DPP8: variants seen among roughly 807,000 people sequenced by gnomAD.
The protein encoded by DPP8 is dipeptidyl peptidase 8.
Under a neutral mutation model 107.5 loss-of-function variants are expected in DPP8, and 31 were observed. That is an observed-to-expected ratio of 0.29 (90% CI 0.22 to 0.39). DPP8 has a LOEUF of 0.39. DPP8 is among the 10% of genes least tolerant of loss of function. The probability of loss-of-function intolerance (pLI) is 1.00; values close to 1 mark genes in which losing one functional copy is unlikely to be tolerated. For synonymous variants in DPP8, 381 were observed against 356.6 expected, an observed-to-expected ratio of 1.07 and a Z score of -0.77; for missense variants, 842 against 1,076.1, an observed-to-expected ratio of 0.78 and a Z score of 3.04.
In DPP8 at chr15:65,506,392, G is replaced by A. The variant is rs1442169734; in HGVS notation, c.372+851C>T. On this transcript the variant is annotated intron_variant, in intron 3 of 19. Transcript: ENST00000300141. ...TGTAAAAATAATAATGAGAACCAAA[G>A]AAGCAAACGATTGTACCGAAACATT... 2.0e-5 allele frequency among the ~76,000 whole-genome samples: 3 copies of A among 151,884 alleles called. No individual in the cohort carries two copies. The East Asian group carries it at 5.8e-4, about 29-fold the overall frequency.
chr15:65,498,179 C>T lies in DPP8; in HGVS notation c.547-147G>A, dbSNP rs139900214. The T allele has an allele frequency of 1.2e-3, 647 of 522,556 alleles. 3 individuals carry two copies. The highest frequency in any genetic ancestry group is 0.011 in the African/African-American group (572 of 51,452). The allele number at this position is 522,556 out of a possible 1,614,324, so 32.4% of individuals were successfully genotyped here. A position where few individuals can be genotyped will look rare whatever the true frequency, so the allele number is the denominator to read the frequency against. On this transcript the variant is annotated intron_variant, in intron 4 of 19. Coordinates refer to ENST00000300141, the MANE Select transcript of DPP8 (RefSeq NM_130434.5). ...ACTTACGCCTGTAATCCCAGCACTTCGGGAGGCCAAGGCAGGCAGATCACC... is the reference window on the plus strand; with the variant it reads ...ACTTACGCCTGTAATCCCAGCACTTTGGGAGGCCAAGGCAGGCAGATCACC...
At chr15:65,459,133 A>G (rs1350596441) in intron 15 of DPP8, 1 of 151,746 alleles carries the variant, frequency 6.6e-6, no homozygotes, top group Non-Finnish European at 1.5e-5. Context: ...GGCCTCCCAA[A>G]GCGCTGAGAT....
At chr15:65,496,462 A>G (rs2068611499) in intron 5 of DPP8, among the ~76,000 whole-genome samples, 1 of 152,086 alleles carries the variant, frequency 6.6e-6, no homozygotes, top group Non-Finnish European at 1.5e-5. Flanking sequence ...GCAATACACT[A>G]TTTCCCATCT....
chr15:65,478,896 A>C lies in DPP8; in HGVS notation c.1440T>G (p.Gly480=). ...LKESKYKRSS[G]GLPAPSDFKC... is the part of the protein sequence containing the mutation. ...ATTTCTTACTTGGAGCAGGCAGCCC[A>C]CCACTGGATCGTTTATATTTGCTTT... Residue 480 remains glycine, a synonymous_variant, in exon 11 of 20, where the codon GGT becomes GGG. Transcript: ENST00000300141. The C allele has an allele frequency of 6.4e-7, 1 of 1,572,322 alleles. No homozygotes were observed. Among genetic ancestry groups the C allele is most frequent in the Non-Finnish European group, 8.6e-7 (1 of 1,165,756 alleles).
intron 3 of DPP8, among the ~76,000 whole-genome samples, chr15:65,502,233 A>G (rs1039293229): frequency 8.6e-5 from 13 of 151,798 alleles, no homozygotes; most frequent in African/African-American, 2.9e-4. Flanking sequence ...TAAATTATTT[A>G]TAGGAGTTAC....
Position 65,500,654 on chromosome 15 carries a change from G to A in DPP8, c.498C>T (p.Ala166=), listed in dbSNP as rs757517691. 4.1e-5 allele frequency: 66 copies of A among 1,613,700 alleles called. 1 individual carries two copies. Among genetic ancestry groups the A allele is most frequent in the South Asian group, 7.7e-5 (7 of 91,080 alleles). ...HQGSGTFLFQ[A]GSGIYHVKDG... is the part of the protein sequence containing the mutation. ...CTTTTACGTGATAAATTCCACTACCGGCTTGAAACAGAAATGTTCCACTTC... is the reference window on the plus strand; with the variant it reads ...CTTTTACGTGATAAATTCCACTACCAGCTTGAAACAGAAATGTTCCACTTC... The change falls in exon 4 of 20, where the codon GCC becomes GCT. Residue 166 remains alanine (A), a synonymous_variant. Coordinates refer to ENST00000300141, the MANE Select transcript of DPP8 (RefSeq NM_130434.5).
chr15:65,500,850 T>C, intron 3 of DPP8, 71 bp from the exon 4 acceptor site: 2 of 936,114 alleles, frequency 2.1e-6, no homozygotes, highest in East Asian at 2.7e-5. Context: ...ACTGAAATCC[T>C]AGAATCTCCA....
chr15:65,483,706 ACT>A (rs2067149610), intron 8 of DPP8, among the ~76,000 whole-genome samples: 1 of 152,110 alleles, frequency 6.6e-6, no homozygotes, highest in African/African-American at 2.4e-5. Context: ...TCATCCAATA[ACT>A]CAACAATTCT....
intron 11 of DPP8, among the ~76,000 whole-genome samples, chr15:65,477,928 C>T (rs187285778): frequency 6.6e-6 from 1 of 152,216 alleles, no homozygotes; most frequent in East Asian, 1.9e-4. Context: ...GCTTCCTATT[C>T]TAAAACAAAC....
chr15:65,471,769 T>G (rs1419239014), intron 12 of DPP8, among the ~76,000 whole-genome samples: 2 of 152,216 alleles, frequency 1.3e-5, no homozygotes, highest in Non-Finnish European at 2.9e-5. Context: ...ACTACAAGTT[T>G]GAGCTACCAT....
At chr15:65,512,632 GGGTC>G in intron 1 of DPP8, 68 bp from the exon 2 acceptor site, 1 of 1,548,170 alleles carries the variant, frequency 6.5e-7, no homozygotes. Context: ...TTCTCTGAGA[GGGTC>G]AAAAAAAAAG....
chr15:65,495,578 G>A (rs2068499564), intron 5 of DPP8, among the ~76,000 whole-genome samples: 1 of 151,900 alleles, frequency 6.6e-6, no homozygotes, highest in Non-Finnish European at 1.5e-5. Flanking sequence ...ACTCCAGCCT[G>A]GGCAATAGAG....
intron 4 of DPP8, among the ~76,000 whole-genome samples, chr15:65,500,250 C>T (rs553276751): frequency 1.4e-4 from 22 of 152,118 alleles, no homozygotes; most frequent in African/African-American, 5.1e-4. Context: ...GATACCCCAT[C>T]GCTACTAAAA....
At chr15:65,463,189 T>C (rs1416004512) in intron 15 of DPP8, among the ~76,000 whole-genome samples, 1 of 152,210 alleles carries the variant, frequency 6.6e-6, no homozygotes, top group East Asian at 1.9e-4. Context: ...CATATTTACC[T>C]ACTGACATGA....
At chr15:65,479,850 C>CAAAAAAAAAAAAAAAAAA (rs56303808) in intron 10 of DPP8, among the ~76,000 whole-genome samples, 1 of 66,760 alleles carries the variant, frequency 1.5e-5, no homozygotes, top group Non-Finnish European at 2.9e-5. Flanking sequence ...GACTCCGTCT[C>CAAAAAAAAAAAAAAAAAA]AAAAAAAAAA....
intron 17 of DPP8, among the ~76,000 whole-genome samples, chr15:65,453,313 T>C (rs1480806647): frequency 6.6e-6 from 1 of 152,168 alleles, no homozygotes; most frequent in African/African-American, 2.4e-5. Flanking sequence ...TCAGGTATGT[T>C]GTATGTGTTT....
rs574307007 is a variant in DPP8, at chr15:65,451,783, G to A, written c.2414+177C>T. Among the ~76,000 whole-genome samples, 72 of 151,856 alleles carry A rather than the reference G, an allele frequency of 4.7e-4. 1 individual carries two copies. Among genetic ancestry groups the A allele is most frequent in the African/African-American group, 1.6e-3 (68 of 41,420 alleles). On this transcript the variant is annotated intron_variant, in intron 18 of 19. Transcript: ENST00000300141. Reference sequence around the variant, plus strand: ...CTACTAAAAATACAAAAAATTAGGCGGGCATGGTGGCACGTGCCTGTAAAC... The same window carrying A: ...CTACTAAAAATACAAAAAATTAGGCAGGCATGGTGGCACGTGCCTGTAAAC...
rs370695516 is a variant in DPP8 at position 65,485,402 on chromosome 15, G to A, written c.956-242C>T. ...CTACTAAAAATACAAAAATTAGCTGGGCGTGGTGGTGTGCGCCTGTAATCC... is the reference window on the plus strand; with the variant it reads ...CTACTAAAAATACAAAAATTAGCTGAGCGTGGTGGTGTGCGCCTGTAATCC... On this transcript the variant is annotated intron_variant, in intron 7 of 19. Transcript: ENST00000300141. Among the ~76,000 whole-genome samples the A allele has an allele frequency of 3.2e-3, 484 of 151,790 alleles. 2 individuals are homozygous for A. Among genetic ancestry groups the A allele is most frequent in the South Asian group, 0.015 (73 of 4,794 alleles).
chr15:65,463,862 T>C lies in DPP8; in HGVS notation c.1870A>G (p.Ser624Gly). The C allele has an allele frequency of 6.3e-7, 1 of 1,596,436 alleles. No homozygotes were observed. Among genetic ancestry groups the C allele is most frequent in the Non-Finnish European group, 8.5e-7 (1 of 1,174,374 alleles). The change falls in exon 15 of 20, where the codon AGT (serine) becomes GGT (glycine). Residue 624 changes from serine (S) to glycine (G), a missense_variant. By Grantham distance (56) the Ser-to-Gly change is moderately conservative. Transcript: ENST00000300141. ...YTPPEIFSFE[S>G]TTGFTLYGML... ...CCATACAATGTAAATCCAGTAGTAC[T>C]TTCAAAAGAGAAAATTTCTGGAGGA...
Sources: allele counts gnomAD v4.1 joint callset (sites outside exome capture counted in the v4.1 genomes callset), GRCh38; gene constraint gnomAD v4.1.1; transcripts MANE v1.5; gene names NCBI Gene and HGNC (gene_info 2026-07-23, HGNC 2026-07-21).